Variants in CACNA2D2 observed in about 807,000 individuals in gnomAD.
The protein encoded by CACNA2D2 is voltage-dependent calcium channel subunit alpha-2/delta-2.
A neutral mutation model predicts 166.4 loss-of-function variants in CACNA2D2; 48 were observed. The observed-to-expected ratio is 0.29, with a 90% CI of 0.23 to 0.37. The LOEUF is 0.37. Ranked by LOEUF, CACNA2D2 falls within the 10% of genes least tolerant of loss-of-function variation. The pLI is 1.00. For missense variants in CACNA2D2, 1,122 were observed against 1,433.0 expected, an observed-to-expected ratio of 0.78 and a Z score of 3.50; for synonymous variants, 561 against 573.7, an observed-to-expected ratio of 0.98 and a Z score of 0.32.
At chr3:50,399,842 T>TA (rs1448052417) in intron 3 of CACNA2D2, among the ~76,000 whole-genome samples, 2 of 152,142 alleles carry the variant, frequency 1.3e-5, no homozygotes, top group Non-Finnish European at 2.9e-5. Context: ...TGCCACCCCT[T>TA]AGAGTGGTCC....
chr3:50,387,507 A>G, intron 5 of CACNA2D2, 61 bp downstream of exon 5: 1 of 1,436,780 alleles, frequency 7.0e-7, no homozygotes, highest in South Asian at 1.1e-5. Flanking sequence ...CCTAACATCC[A>G]TTTTACAGCC....
At chr3:50,474,410 C>G (rs934034250) in intron 2 of CACNA2D2, among the ~76,000 whole-genome samples, 13 of 152,302 alleles carry the variant, frequency 8.5e-5, no homozygotes, top group African/African-American at 2.9e-4. Flanking sequence ...GAATGAGGAT[C>G]AGAGAGGATC....
intron 1 of CACNA2D2, among the ~76,000 whole-genome samples, chr3:50,477,544 G>A (rs1697842238): frequency 1.3e-5 from 2 of 152,186 alleles, no homozygotes; most frequent in Admixed American, 6.5e-5. Context: ...AGGCCAGCCA[G>A]AGAGAACCAC....
intron 3 of CACNA2D2, among the ~76,000 whole-genome samples, chr3:50,405,716 G>A (rs1306060765): frequency 1.3e-5 from 2 of 151,916 alleles, no homozygotes; most frequent in African/African-American, 4.9e-5. Flanking sequence ...AGACAACAAG[G>A]TCAGGGGCCC....
At chr3:50,384,406 A>G in intron 5 of CACNA2D2, 69 bp from the exon 6 acceptor site, 1 of 1,571,304 alleles carries the variant, frequency 6.4e-7, no homozygotes, top group Non-Finnish European at 8.7e-7. Context: ...GAGGCCTGCA[A>G]GTAGGGGCAG....
intron 6 of CACNA2D2, among the ~76,000 whole-genome samples, chr3:50,383,365 C>G (rs587594885): frequency 6.6e-6 from 1 of 152,284 alleles, no homozygotes; most frequent in South Asian, 2.1e-4. Flanking sequence ...CTTTTGAGTC[C>G]CAGCCCAGTG....
chr3:50,378,891 GAC>G, intron 13 of CACNA2D2, 22 bp downstream of exon 13: 1 of 1,613,238 alleles, frequency 6.2e-7, no homozygotes. Context: ...GCAGGCCCCT[GAC>G]AGTGATGCGC....
intron 2 of CACNA2D2, among the ~76,000 whole-genome samples, chr3:50,462,714 T>C (rs746772087): frequency 1.3e-5 from 2 of 151,844 alleles, no homozygotes; most frequent in Non-Finnish European, 1.5e-5. Context: ...CATTTAGAGA[T>C]ATGGAGCTCA....
intron 1 of CACNA2D2, among the ~76,000 whole-genome samples, chr3:50,491,286 G>A (rs1392092367): frequency 6.6e-6 from 1 of 152,252 alleles, no homozygotes; most frequent in Non-Finnish European, 1.5e-5. Flanking sequence ...GGAGGGTGCT[G>A]AGAACAGTGA....
At chr3:50,491,700 A>T (rs753013437) in intron 1 of CACNA2D2, among the ~76,000 whole-genome samples, 1 of 152,206 alleles carries the variant, frequency 6.6e-6, no homozygotes, top group Non-Finnish European at 1.5e-5. Flanking sequence ...AGAGACCCGG[A>T]TCAGGGGAGG....
chr3:50,493,859 C>T (rs1048456764), intron 1 of CACNA2D2, among the ~76,000 whole-genome samples: 10 of 152,122 alleles, frequency 6.6e-5, no homozygotes, highest in Non-Finnish European at 1.0e-4. Flanking sequence ...GGGCCCTGGG[C>T]GAAGCCAGCA....
intron 2 of CACNA2D2, among the ~76,000 whole-genome samples, chr3:50,437,167 G>A (rs1375374970): frequency 6.6e-6 from 1 of 152,152 alleles, no homozygotes; most frequent in East Asian, 1.9e-4. Context: ...CATCCACCGT[G>A]TTTTCTTCCT....
intron 2 of CACNA2D2, among the ~76,000 whole-genome samples, chr3:50,443,681 C>T (rs746895621): frequency 1.3e-5 from 2 of 152,250 alleles, no homozygotes; most frequent in Non-Finnish European, 2.9e-5. Flanking sequence ...CTACAACAGC[C>T]CAAGTAGACA....
chr3:50,435,469 G>A (rs983905601), intron 2 of CACNA2D2, among the ~76,000 whole-genome samples: 2 of 152,020 alleles, frequency 1.3e-5, no homozygotes, highest in East Asian at 1.9e-4. Context: ...CGACTGAGCC[G>A]TGCCACCAGG....
intron 1 of CACNA2D2, among the ~76,000 whole-genome samples, chr3:50,494,193 C>A (rs531952774): frequency 2.6e-4 from 40 of 152,302 alleles, no homozygotes; most frequent in Non-Finnish European, 4.6e-4. Flanking sequence ...TTGCAAGGGC[C>A]CTTAGCACAG....
rs769513350 is a variant in CACNA2D2, at chr3:50,366,203, A to G, written c.2710-40T>C. ...AGAAAGCCATGGTCACAGGGCTGGCAGTGCTACACCCCTAGAAGGCTCAAA... is the reference window on the plus strand; with the variant it reads ...AGAAAGCCATGGTCACAGGGCTGGCGGTGCTACACCCCTAGAAGGCTCAAA... On this transcript the variant is annotated intron_variant, in intron 31 of 37. Coordinates refer to ENST00000424201, the MANE Select transcript of CACNA2D2 (RefSeq NM_006030.4). This position sits in a 1 kb window ranked among gnomAD's most constrained non-coding sequence, Gnocchi z 5.9. 1.2e-6 allele frequency: 2 copies of G among 1,613,940 alleles called. No individual in the cohort carries two copies. Among genetic ancestry groups the G allele is most frequent in the South Asian group, 1.1e-5 (1 of 91,084 alleles).
intron 3 of CACNA2D2, among the ~76,000 whole-genome samples, chr3:50,410,484 G>GGGT (rs1461763122): frequency 6.6e-6 from 1 of 152,056 alleles, no homozygotes; most frequent in Non-Finnish European, 1.5e-5. Context: ...CTGGGATGGG[G>GGGT]GGGGGGGTGT....
chr3:50,384,073 G>C (rs1223487600), intron 6 of CACNA2D2, 123 bp downstream of exon 6: 2 of 1,211,330 alleles, frequency 1.7e-6, no homozygotes, highest in East Asian at 2.4e-5. Flanking sequence ...AGTAATCTCA[G>C]GTGTAGGAGG....
chr3:50,416,891 C>CA (rs1331473080), intron 3 of CACNA2D2, among the ~76,000 whole-genome samples: 1 of 152,174 alleles, frequency 6.6e-6, no homozygotes, highest in African/African-American at 2.4e-5. Context: ...ATCGGGTGCA[C>CA]ACAGATACAC....
Sources: gnomAD v4.1 joint callset for allele counts (sites outside exome capture counted in the v4.1 genomes callset) on GRCh38, gnomAD v4.1.1 for gene constraint, Gnocchi (gnomAD v3.1) non-coding constraint, MANE v1.5 for transcripts, NCBI Gene and HGNC (gene_info 2026-07-23, HGNC 2026-07-21) for gene names.